SGCZ: variants seen among roughly 807,000 people sequenced by gnomAD.
SGCZ encodes sarcoglycan zeta.
SGCZ carries 40 observed loss-of-function variants against 41.3 expected under a neutral mutation model. The ratio of observed to expected loss-of-function variants is 0.97; its 90% CI spans 0.75 to 1.26. The LOEUF (loss-of-function observed/expected upper bound fraction) is 1.26. Among genes scored for constraint, SGCZ ranks in the 50% most tolerant of loss-of-function variants. SGCZ has a pLI of 0.00. For missense variants in SGCZ, 552 were observed against 369.8 expected, an observed-to-expected ratio of 1.49 and a Z score of -4.04; for synonymous variants, 206 against 137.5, an observed-to-expected ratio of 1.50 and a Z score of -3.49.
chr8:14,282,365 AAT>A (rs1183832711), intron 3 of SGCZ, among the ~76,000 whole-genome samples: 4 of 152,048 alleles, frequency 2.6e-5, no homozygotes, highest in Non-Finnish European at 5.9e-5. Context: ...TCAAAAAAAA[AAT>A]CTTATCACCA....
chr8:14,791,713 C>A (rs1201334401), intron 1 of SGCZ, among the ~76,000 whole-genome samples: 1 of 152,154 alleles, frequency 6.6e-6, no homozygotes, highest in African/African-American at 2.4e-5. Context: ...ATATTATGTG[C>A]ATTATTGCTC....
At chr8:14,506,013 T>A (rs6984208) in intron 2 of SGCZ, among the ~76,000 whole-genome samples, 33,134 of 151,288 alleles carry the variant, frequency 0.22, 3,818 homozygotes, top group African/African-American at 0.29. Context: ...TCATTCTTCT[T>A]TTTTTTTTCA....
At chr8:14,175,160 A>T (rs1256088169) in intron 4 of SGCZ, among the ~76,000 whole-genome samples, 4 of 152,168 alleles carry the variant, frequency 2.6e-5, no homozygotes, top group Non-Finnish European at 4.4e-5. Flanking sequence ...AAAAATTTTT[A>T]AATGCCAATC....
intron 1 of SGCZ, among the ~76,000 whole-genome samples, chr8:14,899,158 T>C (rs1158921970): frequency 6.6e-6 from 1 of 152,164 alleles, no homozygotes; most frequent in Non-Finnish European, 1.5e-5. Flanking sequence ...CTTTACATAA[T>C]GTCAATTTGT....
chr8:15,206,489 G>C (rs779792351), intron 1 of SGCZ, among the ~76,000 whole-genome samples: 2 of 143,362 alleles, frequency 1.4e-5, no homozygotes, highest in Admixed American at 7.3e-5. Flanking sequence ...CTCACTCTTC[G>C]ACCCAGGCTG....
At chr8:14,641,863 A>G (rs1229033688) in intron 1 of SGCZ, among the ~76,000 whole-genome samples, 2 of 151,670 alleles carry the variant, frequency 1.3e-5, no homozygotes, top group African/African-American at 4.8e-5. Flanking sequence ...CTGTAATTCT[A>G]TTCTTTGCAG....
intron 1 of SGCZ, among the ~76,000 whole-genome samples, chr8:15,115,383 T>C (rs1390997568): frequency 6.6e-6 from 1 of 152,176 alleles, no homozygotes; most frequent in Admixed American, 6.5e-5. Flanking sequence ...TATGAGGACA[T>C]GACTGTTGGA....
At chr8:14,504,703 A>G (rs977108812) in intron 2 of SGCZ, among the ~76,000 whole-genome samples, 1 of 152,158 alleles carries the variant, frequency 6.6e-6, no homozygotes, top group African/African-American at 2.4e-5. Flanking sequence ...TTCAATAGAT[A>G]TCTGTTCAAT....
At chr8:14,855,384 T>A (rs1388899923) in intron 1 of SGCZ, among the ~76,000 whole-genome samples, 7 of 152,152 alleles carry the variant, frequency 4.6e-5, no homozygotes, top group Non-Finnish European at 8.8e-5. Context: ...ATCAAGTCTC[T>A]GTACTTCGTG....
intron 2 of SGCZ, among the ~76,000 whole-genome samples, chr8:14,400,585 A>C (rs922720625): frequency 1.3e-5 from 2 of 152,116 alleles, no homozygotes; most frequent in Non-Finnish European, 2.9e-5. Flanking sequence ...CTTTTAAATT[A>C]TCAGGTTACT....
chr8:14,413,010 CA>C (rs1799402240), intron 2 of SGCZ, among the ~76,000 whole-genome samples: 1 of 151,830 alleles, frequency 6.6e-6, no homozygotes, highest in Non-Finnish European at 1.5e-5. Context: ...TAAAGGACAA[CA>C]GTTAGATTTT....
At chr8:15,066,857 G>C (rs73205434) in intron 1 of SGCZ, among the ~76,000 whole-genome samples, 4,283 of 152,192 alleles carry the variant, frequency 0.028, 97 homozygotes, top group South Asian at 0.078. Context: ...TAGTTGGAAA[G>C]CAAGAGGATT....
At chr8:14,204,685 G>A (rs901034767) in intron 4 of SGCZ, among the ~76,000 whole-genome samples, 6 of 152,246 alleles carry the variant, frequency 3.9e-5, no homozygotes, top group African/African-American at 7.2e-5. Context: ...GCGGCGCTGG[G>A]TAGAACAAAA....
intron 2 of SGCZ, among the ~76,000 whole-genome samples, chr8:14,435,411 T>A (rs1800060604): frequency 1.3e-5 from 2 of 152,174 alleles, no homozygotes; most frequent in Admixed American, 6.5e-5. Flanking sequence ...AATAGTCACA[T>A]AGCATTAGTT....
intron 1 of SGCZ, among the ~76,000 whole-genome samples, chr8:14,727,935 G>C (rs778657040): frequency 1.1e-4 from 17 of 152,242 alleles, no homozygotes; most frequent in Admixed American, 2.0e-4. Flanking sequence ...GTAAACTATA[G>C]ACACATGCAG....
chr8:14,554,803 G>C lies in SGCZ; in HGVS notation c.163C>G (p.Leu55Val). Reference protein sequence around the residue: ...RKRCLYFFVLLLLVTMIVNLA... With the variant: ...RKRCLYFFVLVLLVTMIVNLA... ...TTAACTATCATGGTAACCAACAGCA[G>C]AAGGACAAAGAAGTATAAGCACCTC... Residue 55 changes from leucine (L) to valine (V), a missense_variant, in exon 2 of 8, where the codon CTG becomes GTG. Physicochemically the swap from Leu to Val is conservative, Grantham distance 32 (BLOSUM62 1). Transcript: ENST00000382080. The C allele has an allele frequency of 6.2e-7, 1 of 1,613,240 alleles. No individual in the cohort carries two copies. Among genetic ancestry groups the C allele is most frequent in the Non-Finnish European group, 8.5e-7 (1 of 1,179,554 alleles).
chr8:14,476,756 G>T (rs1563354711), intron 2 of SGCZ, among the ~76,000 whole-genome samples: 1 of 152,156 alleles, frequency 6.6e-6, no homozygotes, highest in Non-Finnish European at 1.5e-5. Flanking sequence ...TGATGAAGTT[G>T]TGACAAGTTG....
intron 2 of SGCZ, among the ~76,000 whole-genome samples, chr8:14,354,004 C>G (rs1357070342): frequency 6.6e-6 from 1 of 152,048 alleles, no homozygotes; most frequent in Admixed American, 6.6e-5. Flanking sequence ...TCTGAAATGT[C>G]ATTCTCTCAA....
At position 14,827,632 on chromosome 8, in the gene SGCZ, A is replaced by T. The variant is rs375621288; in HGVS notation, c.40-272706T>A. 1.2e-4 allele frequency among the ~76,000 whole-genome samples: 18 copies of T among 152,320 alleles called. No individual in the cohort carries two copies. The South Asian group carries it at 3.3e-3, about 28-fold the overall frequency. ...CTGTGATTGTTTTCATGCCACAATG[A>T]TGAAGTTGAATAGTTACAACAGACA... On this transcript the variant is annotated intron_variant, in intron 1 of 7. Coordinates refer to ENST00000382080, the MANE Select transcript of SGCZ (RefSeq NM_139167.4).
Sources: gnomAD v4.1 joint callset for allele counts (sites outside exome capture counted in the v4.1 genomes callset) on GRCh38, gnomAD v4.1.1 for gene constraint, MANE v1.5 for transcripts, NCBI Gene and HGNC (gene_info 2026-07-23, HGNC 2026-07-21) for gene names.